Variants in IFI27L1 observed in about 807,000 individuals in gnomAD.
IFI27L1 encodes the protein interferon alpha-inducible protein 27-like protein 1.
IFI27L1 carries 3 observed loss-of-function variants against 9.2 expected under a neutral mutation model. The observed-to-expected ratio is 0.32, with a 90% CI of 0.15 to 0.84. The LOEUF is 0.84. Among genes scored for constraint, IFI27L1 ranks in the 40% least tolerant of loss-of-function variants. The pLI, the probability that IFI27L1 is intolerant of heterozygous loss-of-function variation, is 0.56. For synonymous variants in IFI27L1, 53 were observed against 50.0 expected (o/e 1.06, Z -0.26); for missense variants, 133 against 134.2 (o/e 0.99, Z 0.05).
intron 1 of IFI27L1, among the ~76,000 whole-genome samples, chr14:94,082,756 A>G (rs1238046658): frequency 1.3e-5 from 2 of 152,254 alleles, no homozygotes; most frequent in Non-Finnish European, 2.9e-5. Flanking sequence ...GTTGAGGCCT[A>G]CTGCTCAGAA....
At chr14:94,098,366 G>T (rs957227717) in intron 2 of IFI27L1, among the ~76,000 whole-genome samples, 1 of 152,004 alleles carries the variant, frequency 6.6e-6, no homozygotes, top group African/African-American at 2.4e-5. Context: ...GTCTTCACGT[G>T]GGCTTCTCCC....
chr14:94,088,412 G>T (rs1886354136), intron 1 of IFI27L1: 1 of 696,064 alleles, frequency 1.4e-6, no homozygotes, highest in Non-Finnish European at 2.6e-6. Context: ...ATTCTTGGTG[G>T]CCCACTTTTA....
At chr14:94,082,556 T>C (rs772729756) in intron 1 of IFI27L1, among the ~76,000 whole-genome samples, 5 of 152,264 alleles carry the variant, frequency 3.3e-5, no homozygotes, top group Non-Finnish European at 7.3e-5. Context: ...CTCACTCTTT[T>C]GTTAGAGGCT....
chr14:94,101,930 G>A lies in IFI27L1; in HGVS notation c.178G>A (p.Gly60Ser), dbSNP rs200925095. 13 of 1,614,134 alleles carry A rather than the reference G, an allele frequency of 8.1e-6. No individual in the cohort carries two copies. The highest frequency in any genetic ancestry group is 1.0e-5 in the Non-Finnish European group (12 of 1,180,046). The change falls in exon 4 of 5, where the codon GGC becomes AGC. Residue 60 changes from glycine to serine, a missense_variant. Coordinates refer to ENST00000555523, the MANE Select transcript of IFI27L1 (RefSeq NM_206949.3). Reference protein sequence around the residue: ...MMSTAAIANGGGVAAGSLVAI... With the variant: ...MMSTAAIANGSGVAAGSLVAI... ...GTCTACAGCAGCCATTGCCAACGGGGGCGGAGTTGCTGCTGGCAGTCTGGT... is the reference window on the plus strand; with the variant it reads ...GTCTACAGCAGCCATTGCCAACGGGAGCGGAGTTGCTGCTGGCAGTCTGGT...
At chr14:94,083,925 A>T (rs1019762079) in intron 1 of IFI27L1, among the ~76,000 whole-genome samples, 13 of 152,112 alleles carry the variant, frequency 8.5e-5, no homozygotes, top group Non-Finnish European at 1.6e-4. Flanking sequence ...CATCATCTTT[A>T]AAAAAAGAAA....
chr14:94,093,249 C>G (rs1345796551), intron 1 of IFI27L1, among the ~76,000 whole-genome samples: 1 of 145,538 alleles, frequency 6.9e-6, no homozygotes, highest in Non-Finnish European at 1.5e-5. Flanking sequence ...TCATTGCAAG[C>G]TCTGCCTCCT....
At chr14:94,099,504 C>T (rs898464147) in intron 2 of IFI27L1, among the ~76,000 whole-genome samples, 3 of 152,050 alleles carry the variant, frequency 2.0e-5, no homozygotes, top group Non-Finnish European at 4.4e-5. Flanking sequence ...GCCACAGGCC[C>T]GGAGCACCAA....
chr14:94,096,807 C>A, intron 1 of IFI27L1, 80 bp from the exon 2 acceptor site: 1 of 741,114 alleles, frequency 1.3e-6, no homozygotes, highest in Non-Finnish European at 2.4e-6. Flanking sequence ...TTTTTATAGT[C>A]CCAGGAGGGA....
At chr14:94,087,114 T>C (rs1004475956) in intron 1 of IFI27L1, among the ~76,000 whole-genome samples, 1 of 152,190 alleles carries the variant, frequency 6.6e-6, no homozygotes, top group African/African-American at 2.4e-5. Flanking sequence ...TAGAAAGCAA[T>C]TAAAAGACAA....
At chr14:94,095,444 C>T (rs1221371289) in intron 1 of IFI27L1, among the ~76,000 whole-genome samples, 2 of 152,256 alleles carry the variant, frequency 1.3e-5, no homozygotes, top group South Asian at 2.1e-4. Context: ...ACTCCTGACT[C>T]GTGTTAGTCA....
rs117094493 is a variant in IFI27L1 at position 94,101,878 on chromosome 14, C to G, written c.126C>G (p.Ala42=). 6.2e-7 allele frequency: 1 copy of G among 1,614,236 alleles called. No homozygotes were observed. The highest frequency in any genetic ancestry group is 2.2e-5 in the East Asian group (1 of 44,886). Residue 42 remains alanine, a synonymous_variant, in exon 4 of 5, where the codon GCC becomes GCG. Transcript: ENST00000555523. The part of the protein sequence containing the change: ...SAMGFTSVGI[A]ASSIAAKMMS... ...TGGGCTTCACCTCAGTAGGAATCGC[C>G]GCATCCTCCATAGCAGCCAAGATGA... is the stretch of plus-strand genomic sequence containing the variant.
At position 94,082,011 on chromosome 14, in the gene IFI27L1, A is replaced by C. The variant is rs564978605; in HGVS notation, c.-52+562A>C. Among the ~76,000 whole-genome samples, 14 of 152,358 alleles carry C rather than the reference A, an allele frequency of 9.2e-5. No individual in the cohort carries two copies. The South Asian group carries it at 2.9e-3, about 32-fold the overall frequency. On this transcript the variant is annotated intron_variant, in intron 1 of 4. Transcript: ENST00000555523. ...TAGTGAGGAAGGGATGTCAAAAGGC[A>C]AGATAGGCTGAAAGCTAGGCTGAAA...
chr14:94,099,576 C>CAG (rs1886816274), intron 2 of IFI27L1, among the ~76,000 whole-genome samples: 1 of 152,116 alleles, frequency 6.6e-6, no homozygotes, highest in African/African-American at 2.4e-5. Context: ...TGAGAGGCTT[C>CAG]AGAGAGAGCG....
chr14:94,095,080 G>T (rs1050455498), intron 1 of IFI27L1, among the ~76,000 whole-genome samples: 1 of 152,148 alleles, frequency 6.6e-6, no homozygotes, highest in African/African-American at 2.4e-5. Context: ...TGTTGCCCGG[G>T]CTGGAGTGCA....
chr14:94,098,767 G>A lies in IFI27L1; in HGVS notation c.28+1802G>A, dbSNP rs796851780. 1.0e-3 allele frequency among the ~76,000 whole-genome samples: 152 copies of A among 152,276 alleles called. 1 individual carries two copies. The highest frequency in any genetic ancestry group is 3.5e-3 in the African/African-American group (146 of 41,562). On this transcript the variant is annotated intron_variant, in intron 2 of 4. Coordinates refer to ENST00000555523, the MANE Select transcript of IFI27L1 (RefSeq NM_206949.3). ...GGTATGGGTTTGAGAGTGCATGAGA[G>A]GAGTGGTGGTGTGTCGTGCCTATAC... is the stretch of plus-strand genomic sequence containing the variant.
At chr14:94,093,008 T>C (rs1211912992) in intron 1 of IFI27L1, among the ~76,000 whole-genome samples, 1 of 151,336 alleles carries the variant, frequency 6.6e-6, no homozygotes, top group African/African-American at 2.4e-5. Flanking sequence ...ACTTTTGTAT[T>C]TTTAGTAGAG....
intron 1 of IFI27L1, among the ~76,000 whole-genome samples, chr14:94,084,635 A>C (rs1453000702): frequency 1.3e-5 from 2 of 152,238 alleles, no homozygotes; most frequent in Non-Finnish European, 2.9e-5. Context: ...AGTGGGAAGC[A>C]TATTACAGAA....
At chr14:94,087,185 G>C (rs1461457918) in intron 1 of IFI27L1, among the ~76,000 whole-genome samples, 1 of 152,128 alleles carries the variant, frequency 6.6e-6, no homozygotes, top group Non-Finnish European at 1.5e-5. Context: ...ATAACAACAT[G>C]TTTGGCTATA....
intron 2 of IFI27L1, 50 bp from the exon 3 acceptor site, chr14:94,100,689 T>C (rs1193059251): frequency 1.9e-6 from 3 of 1,608,638 alleles, no homozygotes; most frequent in Admixed American, 1.7e-5. Flanking sequence ...CCCACTCCCA[T>C]AGGTTTGTGT....
Sources: gnomAD v4.1 joint callset for allele counts (sites outside exome capture counted in the v4.1 genomes callset) on GRCh38, gnomAD v4.1.1 for gene constraint, MANE v1.5 for transcripts, NCBI Gene and HGNC (gene_info 2026-07-23, HGNC 2026-07-21) for gene names.